The following DENND4C variants were observed in gnomAD, a reference collection of about 807,000 sequenced individuals.
DENND4C encodes DENN domain-containing protein 4C.
In DENND4C, 108 loss-of-function variants were observed where a neutral mutation model predicts 203.0. The ratio of observed to expected loss-of-function variants is 0.53; its 90% confidence interval spans 0.46 to 0.62. The LOEUF (loss-of-function observed/expected upper bound fraction) is 0.62. Among genes scored for constraint, DENND4C ranks in the 20% least tolerant of loss-of-function variants. The pLI, the probability that DENND4C is intolerant of heterozygous loss-of-function variation, is 0.00. For synonymous variants in DENND4C, 871 were observed against 792.4 expected, an observed-to-expected ratio of 1.10 and a Z score of -1.67; for missense variants, 2,481 against 2,301.2, an observed-to-expected ratio of 1.08 and a Z score of -1.60.
chr9:19,293,524 A>C (rs1241571398), intron 5 of DENND4C, among the ~76,000 whole-genome samples: 1 of 152,092 alleles, frequency 6.6e-6, no homozygotes, highest in African/African-American at 2.4e-5. Context: ...TTCCTGTGAT[A>C]TATATAATGA....
intron 10 of DENND4C, among the ~76,000 whole-genome samples, chr9:19,306,856 C>T: frequency 6.6e-6 from 1 of 152,040 alleles, no homozygotes; most frequent in South Asian, 2.1e-4. Context: ...TCCTGACTCT[C>T]TGCAGTCTCC....
Position 19,266,823 on chromosome 9 carries a change from A to C in DENND4C, c.-17-9335A>C, listed in dbSNP as rs532849512. Reference sequence around the variant, plus strand: ...CTTCCTTACACCTTATACAAAAATTAATTCAAGATGGATTAAAGACTTAAA... The same window carrying C: ...CTTCCTTACACCTTATACAAAAATTCATTCAAGATGGATTAAAGACTTAAA... On this transcript the variant is annotated intron_variant, in intron 1 of 32. Transcript: ENST00000434457. Among the ~76,000 whole-genome samples, 41 of 152,354 alleles carry C rather than the reference A, an allele frequency of 2.7e-4. No individual in the cohort carries two copies. The South Asian group carries it at 2.7e-3, about 10-fold the overall frequency.
intron 17 of DENND4C, among the ~76,000 whole-genome samples, chr9:19,333,066 G>A (rs1464614952): frequency 6.6e-6 from 1 of 151,674 alleles, no homozygotes; most frequent in African/African-American, 2.4e-5. Flanking sequence ...CCAAGCTGGA[G>A]TGCAGTGGCA....
At position 19,356,953 on chromosome 9, in the gene DENND4C, C is replaced by T. The variant is rs1825572407; in HGVS notation, c.4782-19C>T. On this transcript the variant is annotated intron_variant, in intron 26 of 32. Transcript: ENST00000434457. ...TGAGGATTTTTAAAGGCTCTTTTTC[C>T]CCCCTTTTCCTTATGTAGCTTTTTC... is the stretch of plus-strand genomic sequence containing the variant. 7 of 1,599,088 alleles carry T rather than the reference C, an allele frequency of 4.4e-6. No individual in the cohort carries two copies. The highest frequency in any genetic ancestry group is 2.2e-5 in the East Asian group (1 of 44,584).
At position 19,342,637 on chromosome 9, in the gene DENND4C, G is replaced by A. The variant is rs543991517; in HGVS notation, c.3009G>A (p.Val1003=). 50 of 1,597,444 alleles carry A rather than the reference G, an allele frequency of 3.1e-5. No homozygotes were observed. In the South Asian group the frequency reaches 5.4e-4, roughly 17 times the overall value. Residue 1003 remains valine (V), a synonymous_variant, in exon 22 of 33, where the codon GTG becomes GTA. Coordinates refer to ENST00000434457, the MANE Select transcript of DENND4C (RefSeq NM_001330640.2). ...ITKTKMQTEE[V]CDASAIVAKH... ...CATCCAAATATTTTTTTCCAGAGGT[G>A]TGTGATGCCTCTGCTATTGTGGCAA...
intron 1 of DENND4C, among the ~76,000 whole-genome samples, chr9:19,270,108 C>T (rs902920619): frequency 6.6e-6 from 1 of 152,090 alleles, no homozygotes; most frequent in South Asian, 2.1e-4. Context: ...TTATTTTCCC[C>T]CAAACAAATG....
intron 1 of DENND4C, among the ~76,000 whole-genome samples, chr9:19,272,174 C>G (rs374358355): frequency 2.0e-5 from 3 of 151,864 alleles, no homozygotes; most frequent in African/African-American, 7.2e-5. Flanking sequence ...AATCCCAGCA[C>G]TTTGGGAGGC....
At chr9:19,232,889 G>A (rs954261461) in intron 1 of DENND4C, among the ~76,000 whole-genome samples, 1 of 152,084 alleles carries the variant, frequency 6.6e-6, no homozygotes, top group African/African-American at 2.4e-5. Context: ...TTTGCTCTTT[G>A]TGTATCTGCC....
rs1341094028 is a variant in DENND4C at position 19,257,489 on chromosome 9, T to TA, written c.-17-18663dup. ...AAATCATTGACTTCAGCTTCCACCT[T>TA]AAAAAACTTGAAAAAGAAGAGCAAA... On this transcript the variant is annotated intron_variant, in intron 1 of 32. Transcript: ENST00000434457. Among the ~76,000 whole-genome samples, 6 of 152,070 alleles carry TA rather than the reference T, an allele frequency of 3.9e-5. No homozygotes were observed. In the East Asian group the frequency reaches 9.7e-4, roughly 25 times the overall value.
At chr9:19,292,211 G>A (rs201314648) in intron 5 of DENND4C, 3 of 149,168 alleles carry the variant, frequency 2.0e-5, no homozygotes, top group East Asian at 4.0e-4. Flanking sequence ...TTTTTTTTTA[G>A]TAGAGACAGG....
chr9:19,266,328 G>T (rs1406831616), intron 1 of DENND4C, among the ~76,000 whole-genome samples: 1 of 152,064 alleles, frequency 6.6e-6, no homozygotes, highest in East Asian at 1.9e-4. Flanking sequence ...TTGTAAATTT[G>T]TTTAAGTTCT....
At position 19,256,003 on chromosome 9, in the gene DENND4C, C is replaced by T. The variant is rs952659554; in HGVS notation, c.-17-20155C>T. Among the ~76,000 whole-genome samples, 3 of 151,374 alleles carry T rather than the reference C, an allele frequency of 2.0e-5. No homozygotes were observed. The East Asian group carries it at 5.8e-4, about 29-fold the overall frequency. ...CTGTAATCCCAGCACTTTGGGAGGC[C>T]AGGGTGGGAGGATTGCTTGAGGCCA... On this transcript the variant is annotated intron_variant, in intron 1 of 32. Transcript: ENST00000434457.
intron 1 of DENND4C, among the ~76,000 whole-genome samples, chr9:19,255,170 A>T (rs751371421): frequency 2.6e-5 from 4 of 151,992 alleles, no homozygotes; most frequent in Non-Finnish European, 5.9e-5. Flanking sequence ...CAGGAGGTGG[A>T]GGCTGGAGGG....
intron 5 of DENND4C, among the ~76,000 whole-genome samples, chr9:19,295,057 T>C (rs898921253): frequency 1.3e-5 from 2 of 152,264 alleles, no homozygotes; most frequent in East Asian, 1.9e-4. Flanking sequence ...TTTAATGTTA[T>C]ATATATTTCA....
chr9:19,339,929 G>A (rs930793225), intron 20 of DENND4C, among the ~76,000 whole-genome samples: 1 of 151,962 alleles, frequency 6.6e-6, no homozygotes, highest in African/African-American at 2.4e-5. Context: ...ATTCATTACT[G>A]TCCTTATTTG....
intron 1 of DENND4C, among the ~76,000 whole-genome samples, chr9:19,234,292 G>A (rs1465430131): frequency 2.0e-5 from 3 of 151,540 alleles, no homozygotes; most frequent in Non-Finnish European, 2.9e-5. Flanking sequence ...GTGCAGTGGC[G>A]CGATCTCAGC....
chr9:19,231,424 C>T (rs1005632129), intron 1 of DENND4C, among the ~76,000 whole-genome samples: 3 of 152,158 alleles, frequency 2.0e-5, no homozygotes, highest in East Asian at 3.9e-4. Flanking sequence ...GGATGACTTT[C>T]TAGGAGGGCA....
At chr9:19,370,109 TG>T in intron 31 of DENND4C, 122 bp downstream of exon 31, 1 of 1,167,932 alleles carries the variant, frequency 8.6e-7, no homozygotes, top group Non-Finnish European at 1.3e-6. Flanking sequence ...AAACATCTAT[TG>T]TTTTAAGTGC....
At chr9:19,309,722 AT>A (rs911247248) in intron 10 of DENND4C, among the ~76,000 whole-genome samples, 38 of 146,110 alleles carry the variant, frequency 2.6e-4, no homozygotes, top group Middle Eastern at 3.5e-3. Flanking sequence ...TTTTGTTAGA[AT>A]TTTTTTTTTT....
Sources: gnomAD v4.1 joint callset for allele counts (sites outside exome capture counted in the v4.1 genomes callset) on GRCh38, gnomAD v4.1.1 for gene constraint, MANE v1.5 for transcripts, NCBI Gene and HGNC (gene_info 2026-07-23, HGNC 2026-07-21) for gene names.